Variants in AKT1 observed in about 807,000 individuals in gnomAD.
AKT1 encodes RAC-alpha serine/threonine-protein kinase.
Under a neutral mutation model 63.1 loss-of-function variants are expected in AKT1, and 21 were observed. That is an observed-to-expected ratio of 0.33 (90% CI 0.24 to 0.48). AKT1 has a LOEUF of 0.48. Among genes scored for constraint, AKT1 ranks in the 20% least tolerant of loss-of-function variants. AKT1 has a pLI of 0.99. For synonymous variants in AKT1, 257 were observed against 253.1 expected (o/e 1.02, Z -0.15); for missense variants, 382 against 666.0 (o/e 0.57, Z 4.69).
intron 3 of AKT1, among the ~76,000 whole-genome samples, chr14:104,782,206 C>T (rs1893091787): frequency 1.3e-5 from 2 of 152,020 alleles, no homozygotes; most frequent in South Asian, 2.1e-4. Context: ...TGGGCCACCC[C>T]GCTGCTCACG....
chr14:104,769,844 G>A lies in AKT1; in HGVS notation c.*497C>T. On this transcript the variant is annotated 3_prime_UTR_variant, in exon 15 of 15. Coordinates refer to ENST00000649815, the MANE Select transcript of AKT1 (RefSeq NM_001382430.1). ...ACGGCCTTAGTGCTGGGGGGCTGCT[G>A]TGTGCCTGCCACCCCCAGGAGAGGG... 2.6e-6 allele frequency: 1 copy of A among 387,492 alleles called. No homozygotes were observed. The allele number at this position is 387,492 out of a possible 1,614,324, so 24.0% of individuals were successfully genotyped here.
intron 4 of AKT1, among the ~76,000 whole-genome samples, chr14:104,779,353 A>G (rs1365557288): frequency 6.6e-6 from 1 of 152,204 alleles, no homozygotes; most frequent in Non-Finnish European, 1.5e-5. Context: ...GGAGGCTGAG[A>G]GCCTGTGCAG....
chr14:104,771,058 C>G (rs749196395), intron 13 of AKT1: 3 of 570,560 alleles, frequency 5.3e-6, no homozygotes, highest in Non-Finnish European at 6.2e-6. Flanking sequence ...CAACCCTCAA[C>G]AGCTGAGACG....
chr14:104,789,985 T>C (rs1893542522), intron 3 of AKT1, among the ~76,000 whole-genome samples: 1 of 152,188 alleles, frequency 6.6e-6, no homozygotes, highest in African/African-American at 2.4e-5. Flanking sequence ...CCTGGGCCAC[T>C]TCCCAGAGAT....
intron 8 of AKT1, chr14:104,774,185 CCACA>C (rs1234089669): frequency 1.8e-5 from 10 of 549,830 alleles, no homozygotes; most frequent in South Asian, 1.8e-4. Context: ...TCACACTGCC[CCACA>C]CCATACACCC....
intron 3 of AKT1, among the ~76,000 whole-genome samples, chr14:104,781,838 G>A (rs940312757): frequency 5.3e-5 from 8 of 152,270 alleles, no homozygotes; most frequent in South Asian, 4.1e-4. Flanking sequence ...TCTGGAGGAC[G>A]GCCAACACCC....
In AKT1 at chr14:104,773,954, G is replaced by A. The variant is rs141168205; in HGVS notation, c.660C>T (p.His220=). 4.6e-5 allele frequency: 74 copies of A among 1,612,602 alleles called. No homozygotes were observed. Among genetic ancestry groups the A allele is most frequent in the Admixed American group, 8.3e-5 (5 of 59,946 alleles). ...LTALKYSFQT[H]DRLCFVMEYA... ...ACTCCATGACAAAGCAGAGGCGGTC[G>A]TGGGTCTGGAAAGAGTACTTCAGGG... The change falls in exon 9 of 15, where the codon CAC becomes CAT. Residue 220 remains histidine (H), a synonymous_variant. Coordinates refer to ENST00000649815, the MANE Select transcript of AKT1 (RefSeq NM_001382430.1).
Position 104,770,282 on chromosome 14 carries a change from T to C in AKT1, c.*59A>G, listed in dbSNP as rs2140887284. The C allele has an allele frequency of 6.6e-7, 1 of 1,523,712 alleles. No homozygotes were observed. Among genetic ancestry groups the C allele is most frequent in the East Asian group, 2.3e-5 (1 of 43,060 alleles). The allele number at this position is 1,523,712 out of a possible 1,614,324, so 94.4% of individuals were successfully genotyped here. ...AATAAAAACCATTAAATACAGATCA[T>C]GGCACGAGGCCGCCTCTCCATCCCT... On this transcript the variant is annotated 3_prime_UTR_variant, in exon 15 of 15. Coordinates refer to ENST00000649815, the MANE Select transcript of AKT1 (RefSeq NM_001382430.1).
intron 12 of AKT1, 95 bp from the exon 13 acceptor site, chr14:104,772,547 C>T: frequency 7.8e-7 from 1 of 1,281,804 alleles, no homozygotes; most frequent in South Asian, 1.2e-5. Context: ...GCCCGCCAGA[C>T]AGGACGTTCC....
chr14:104,790,233 G>A (rs918463903), intron 3 of AKT1, among the ~76,000 whole-genome samples: 4 of 152,210 alleles, frequency 2.6e-5, no homozygotes, highest in South Asian at 2.1e-4. Context: ...GGACAGGTGC[G>A]GGCCAGCCTC....
At chr14:104,794,065 A>G (rs1454399463) in intron 1 of AKT1, 1 of 152,314 alleles carries the variant, frequency 6.6e-6, no homozygotes, top group African/African-American at 2.4e-5. Context: ...TTAGAATGGC[A>G]GGAAGGCCCA....
At position 104,771,961 on chromosome 14, in the gene AKT1, G is replaced by A. The variant is rs1892410973; in HGVS notation, c.1260+404C>T. ...GGCTGGGCTCTCCTTGCGGCAGAAG[G>A]GATTGAGGTCAAACAGGAGGAACTC... On this transcript the variant is annotated intron_variant, in intron 13 of 14. Coordinates refer to ENST00000649815, the MANE Select transcript of AKT1 (RefSeq NM_001382430.1). 8.6e-6 allele frequency: 3 copies of A among 347,150 alleles called. No homozygotes were observed. The East Asian group carries it at 1.4e-4, about 16-fold the overall frequency. 21.5% of individuals were successfully genotyped at this position (347,150 alleles called of 1,614,324 possible).
chr14:104,773,841 C>T (rs1892544748), intron 9 of AKT1, 71 bp downstream of exon 9: 8 of 1,471,792 alleles, frequency 5.4e-6, no homozygotes, highest in East Asian at 2.5e-5. Flanking sequence ...GCCGAGGCTC[C>T]GGGAAGGACC....
Position 104,775,711 on chromosome 14 carries a change from TG to T in AKT1, c.375del (p.Ser126ValfsTer20). 6.2e-7 allele frequency: 1 copy of T among 1,614,082 alleles called. No individual in the cohort carries two copies. The highest frequency in any genetic ancestry group is 8.5e-7 in the Non-Finnish European group (1 of 1,179,974). On this transcript the variant is annotated frameshift_variant, in exon 6 of 15. Transcript: ENST00000649815. LOFTEE classifies it high-confidence loss of function. ...EEEMDFRSGS[P>X]SDNSGAEEME... is the part of the protein sequence containing the mutation. ...ATCTCTTCAGCCCCTGAGTTGTCAC[TG>T]GGTGAGCCCGACCGGAAGTCCATCT...
Position 104,792,807 on chromosome 14 carries a change from A to T in AKT1, c.-79-85T>A, listed in dbSNP as rs1005614905. ...CCTGGGTGAGCCAGAGACCCACTGCACGTGCCTGGGGGCTCCACCCGCACC... is the reference window on the plus strand; with the variant it reads ...CCTGGGTGAGCCAGAGACCCACTGCTCGTGCCTGGGGGCTCCACCCGCACC... On this transcript the variant is annotated intron_variant, in intron 2 of 14. Coordinates refer to ENST00000649815, the MANE Select transcript of AKT1 (RefSeq NM_001382430.1). 7.3e-6 allele frequency: 6 copies of T among 822,974 alleles called. No individual in the cohort carries two copies. In the Admixed American group the frequency reaches 1.2e-4, roughly 17 times the overall value. The allele number at this position is 822,974 out of a possible 1,614,324, so 51.0% of individuals were successfully genotyped here. A position where few individuals can be genotyped will look rare whatever the true frequency, so the allele number is the denominator to read the frequency against.
chr14:104,785,365 A>G (rs1258393942), intron 3 of AKT1, among the ~76,000 whole-genome samples: 1 of 152,126 alleles, frequency 6.6e-6, no homozygotes, highest in Non-Finnish European at 1.5e-5. Flanking sequence ...CACACAACGG[A>G]GGCCAGCTGA....
intron 13 of AKT1, 115 bp downstream of exon 13, chr14:104,772,250 G>C: frequency 9.0e-7 from 1 of 1,113,588 alleles, no homozygotes; most frequent in African/African-American, 1.6e-5. Flanking sequence ...GACTGCAGCA[G>C]GCTCCTGAGG....
intron 5 of AKT1, chr14:104,776,086 C>G (rs1030701593): frequency 8.8e-6 from 3 of 341,004 alleles, no homozygotes; most frequent in Non-Finnish European, 1.5e-5. Context: ...CTCCGCCCCC[C>G]CCAAGCAGGA....
intron 12 of AKT1, 103 bp from the exon 13 acceptor site, chr14:104,772,555 TC>T: frequency 3.3e-6 from 4 of 1,201,896 alleles, no homozygotes; most frequent in Non-Finnish European, 3.6e-6. Context: ...GACAGGACGT[TC>T]CGGGGCCAGG....
Sources: gnomAD v4.1 joint callset for allele counts (sites outside exome capture counted in the v4.1 genomes callset) on GRCh38, gnomAD v4.1.1 for gene constraint, MANE v1.5 for transcripts, NCBI Gene and HGNC (gene_info 2026-07-23, HGNC 2026-07-21) for gene names.